The following PPFIA1 variants were observed in gnomAD, a reference collection of about 807,000 sequenced individuals.
PPFIA1 encodes the protein PPFI scaffold protein A1, also known as liprin-alpha-1.
PPFIA1 carries 25 observed loss-of-function variants against 149.9 expected under a neutral mutation model. That is an observed-to-expected ratio of 0.17 (90% CI 0.12 to 0.23). The LOEUF is 0.23. Among genes scored for constraint, PPFIA1 ranks in the 10% least tolerant of loss-of-function variants. PPFIA1 has a pLI of 1.00. For missense variants in PPFIA1, 1,362 were observed against 1,506.5 expected, an observed-to-expected ratio of 0.90 and a Z score of 1.59; for synonymous variants, 549 against 552.8, an observed-to-expected ratio of 0.99 and a Z score of 0.10.
chr11:70,272,489 T>G (rs1214337863), intron 2 of PPFIA1, 53 bp downstream of exon 2: 1 of 1,505,046 alleles, frequency 6.6e-7, no homozygotes, highest in Non-Finnish European at 9.0e-7. Flanking sequence ...AAATGTTTTT[T>G]TATTAGTGTC....
chr11:70,279,835 T>C (rs1163542072), intron 2 of PPFIA1, among the ~76,000 whole-genome samples: 1 of 150,006 alleles, frequency 6.7e-6, no homozygotes, highest in Non-Finnish European at 1.5e-5. Context: ...GCAGTCTTCC[T>C]GCCTTGGCCT....
chr11:70,291,906 C>T (rs1183151252), intron 2 of PPFIA1, among the ~76,000 whole-genome samples: 2 of 144,900 alleles, frequency 1.4e-5, no homozygotes, highest in African/African-American at 2.6e-5. Flanking sequence ...GGTGCGATCT[C>T]GGCTCACGGC....
At chr11:70,296,058 A>G (rs2051981495) in intron 2 of PPFIA1, among the ~76,000 whole-genome samples, 1 of 149,572 alleles carries the variant, frequency 6.7e-6, no homozygotes, top group African/African-American at 2.5e-5. Context: ...GTCGGGGCAA[A>G]GGCACTCCCC....
intron 19 of PPFIA1, among the ~76,000 whole-genome samples, chr11:70,359,615 C>T (rs938381150): frequency 6.6e-6 from 1 of 152,100 alleles, no homozygotes; most frequent in African/African-American, 2.4e-5. Flanking sequence ...TATTTAGTTT[C>T]GATAGTTGAG....
At chr11:70,354,742 C>T (rs2056262480) in intron 17 of PPFIA1, among the ~76,000 whole-genome samples, 1 of 151,856 alleles carries the variant, frequency 6.6e-6, no homozygotes, top group South Asian at 2.1e-4. Flanking sequence ...TATAAATTGA[C>T]TACTTTCTAT....
chr11:70,303,019 C>CT (rs2052590988), intron 2 of PPFIA1, among the ~76,000 whole-genome samples: 1 of 152,200 alleles, frequency 6.6e-6, no homozygotes, highest in African/African-American at 2.4e-5. Flanking sequence ...CCTGACATCT[C>CT]TAAGACCATG....
At chr11:70,279,885 G>A (rs1305594592) in intron 2 of PPFIA1, among the ~76,000 whole-genome samples, 3 of 104,850 alleles carry the variant, frequency 2.9e-5, no homozygotes, top group South Asian at 2.4e-4. Context: ...CACCGTGTCC[G>A]GCCTGTGTGT....
chr11:70,306,519 A>G (rs1431241674), intron 2 of PPFIA1, among the ~76,000 whole-genome samples: 1 of 152,208 alleles, frequency 6.6e-6, no homozygotes, highest in Non-Finnish European at 1.5e-5. Context: ...CTCAATTGTG[A>G]TGTAAAATAA....
rs964202532 is a variant in PPFIA1 at position 70,274,724 on chromosome 11, C to CT, written c.264+2300dup. ...GTTTTTTGGTGCAGATGTCTATAAA[C>CT]TTTTTTTTTTTTGAGATAGGGTCTC... On this transcript the variant is annotated intron_variant, in intron 2 of 27. Transcript: ENST00000253925. 8.2e-4 allele frequency among the ~76,000 whole-genome samples: 120 copies of CT among 146,526 alleles called. No homozygotes were observed. The East Asian group carries it at 0.013, about 15-fold the overall frequency.
intron 17 of PPFIA1, 120 bp from the exon 18 acceptor site, chr11:70,355,519 A>G (rs1474307913): frequency 2.5e-5 from 24 of 969,132 alleles, no homozygotes; most frequent in Non-Finnish European, 3.6e-5. Flanking sequence ...TGCATGATGC[A>G]CTTGGTGAGG....
At position 70,333,491 on chromosome 11, in the gene PPFIA1, A is replaced by G. The variant is rs2054793285; in HGVS notation, c.1234A>G (p.Ile412Val). The G allele has an allele frequency of 5.6e-6, 9 of 1,613,338 alleles. No homozygotes were observed. Among genetic ancestry groups the G allele is most frequent in the East Asian group, 2.2e-5 (1 of 44,884 alleles). Residue 412 changes from isoleucine to valine, a missense_variant, in exon 10 of 28, where the codon ATT becomes GTT. By Grantham distance (29) the Ile-to-Val change is conservative. Coordinates refer to ENST00000253925, the MANE Select transcript of PPFIA1 (RefSeq NM_003626.5). ...ACAGGCTGAAGAGAGACACGGCAAC[A>G]TTGAAGAAAGGTTACGACAGATGGA... The part of the protein sequence containing the change: ...LSKAEERHGN[I>V]EERLRQMEAQ...
At chr11:70,342,936 C>CTTTTTGTTTTT in intron 14 of PPFIA1, among the ~76,000 whole-genome samples, 1 of 78,172 alleles carries the variant, frequency 1.3e-5, no homozygotes, top group Non-Finnish European at 2.4e-5. Flanking sequence ...AATGTACCAC[C>CTTTTTGTTTTT]TTTTTTTTTT....
chr11:70,286,945 C>T (rs4262751), intron 2 of PPFIA1, among the ~76,000 whole-genome samples: 1 of 143,100 alleles, frequency 7.0e-6, no homozygotes, highest in African/African-American at 2.9e-5. Flanking sequence ...CATATATATA[C>T]ACATATACTA....
chr11:70,328,182 A>G (rs1039637859), intron 7 of PPFIA1, among the ~76,000 whole-genome samples: 1 of 152,132 alleles, frequency 6.6e-6, no homozygotes, highest in African/African-American at 2.4e-5. Flanking sequence ...TTCATCACCC[A>G]GGTACCAAGC....
intron 2 of PPFIA1, chr11:70,279,362 T>A (rs2050601715): frequency 5.2e-6 from 1 of 193,684 alleles, no homozygotes; most frequent in Non-Finnish European, 1.1e-5. Context: ...CACAGCAAGA[T>A]CTCACCATCT....
At chr11:70,284,191 A>G in intron 2 of PPFIA1, 1 of 408,560 alleles carries the variant, frequency 2.4e-6, no homozygotes, top group Non-Finnish European at 4.8e-6. Context: ...GAGAATAAAT[A>G]CTAATGACTG....
chr11:70,382,248 A>C, intron 27 of PPFIA1, 90 bp downstream of exon 27: 1 of 941,064 alleles, frequency 1.1e-6, no homozygotes, highest in Non-Finnish European at 1.6e-6. Flanking sequence ...GGTGTGGACC[A>C]TGAAAGCCAG....
At chr11:70,365,988 T>C (rs938607073) in intron 21 of PPFIA1, 1 of 456,484 alleles carries the variant, frequency 2.2e-6, no homozygotes, top group Non-Finnish European at 4.4e-6. Flanking sequence ...TTCTCTAATA[T>C]ATTCTTCACT....
chr11:70,321,965 G>C (rs1017234635), intron 2 of PPFIA1, among the ~76,000 whole-genome samples: 9 of 152,228 alleles, frequency 5.9e-5, no homozygotes, highest in African/African-American at 2.2e-4. Flanking sequence ...CACCTCCCGG[G>C]TTCAAGCGAT....
Sources: allele counts gnomAD v4.1 joint callset (sites outside exome capture counted in the v4.1 genomes callset), GRCh38; gene constraint gnomAD v4.1.1; transcripts MANE v1.5; gene names NCBI Gene and HGNC (gene_info 2026-07-23, HGNC 2026-07-21).